The following ACOX3 variants were observed in gnomAD, a reference collection of about 807,000 sequenced individuals.
ACOX3 encodes the protein peroxisomal acyl-coenzyme A oxidase 3.
Under a neutral mutation model 81.5 loss-of-function variants are expected in ACOX3, and 73 were observed. The observed-to-expected ratio is 0.90, with a 90% CI of 0.74 to 1.09. The LOEUF is 1.09. Ranked by LOEUF, ACOX3 falls within the 50% of genes least tolerant of loss-of-function variation. ACOX3 has a pLI of 0.00. For synonymous variants in ACOX3, 387 were observed against 375.1 expected, an observed-to-expected ratio of 1.03 and a Z score of -0.37; for missense variants, 947 against 928.0, an observed-to-expected ratio of 1.02 and a Z score of -0.27.
intron 1 of ACOX3, among the ~76,000 whole-genome samples, chr4:8,426,571 G>T (rs1371679412): frequency 7.6e-6 from 1 of 130,864 alleles, no homozygotes; most frequent in African/African-American, 3.0e-5. Context: ...CCCCCTCCAT[G>T]CCGCTATACT....
chr4:8,359,972 G>C, the ACOX3 span, among the ~76,000 whole-genome samples: 1 of 152,208 alleles, frequency 6.6e-6, no homozygotes, highest in Admixed American at 6.5e-5. The surrounding 1 kb of genome is among the most constrained non-coding windows in gnomAD (Gnocchi z 6.0). Context: ...CCTTAGGATA[G>C]AGCACGGACT....
intron 1 of ACOX3, among the ~76,000 whole-genome samples, chr4:8,428,037 G>A (rs555703640): frequency 6.6e-5 from 10 of 152,350 alleles, no homozygotes; most frequent in Middle Eastern, 6.8e-3. Flanking sequence ...AGGAAGTGGG[G>A]CTTCAAGATC....
intron 9 of ACOX3, among the ~76,000 whole-genome samples, chr4:8,396,364 TC>T (rs1719689094): frequency 6.6e-6 from 1 of 152,116 alleles, no homozygotes; most frequent in African/African-American, 2.4e-5. Flanking sequence ...CACACCCACC[TC>T]CCAGAGCCGC....
chr4:8,381,735 T>C lies in ACOX3; in HGVS notation c.1538-128A>G. ...CAGGTTGTCTTCATTGACAACCAAGTGTATGGGGTGGGTCTGATTTTATAG... is the reference window on the plus strand; with the variant it reads ...CAGGTTGTCTTCATTGACAACCAAGCGTATGGGGTGGGTCTGATTTTATAG... On this transcript the variant is annotated intron_variant, in intron 13 of 17. Coordinates refer to ENST00000356406, the MANE Select transcript of ACOX3 (RefSeq NM_003501.3). The surrounding 1 kb of genome is among the most constrained non-coding windows in gnomAD (Gnocchi z 4.3). The C allele has an allele frequency of 1.5e-6, 1 of 677,044 alleles. No homozygotes were observed. The highest frequency in any genetic ancestry group is 2.5e-6 in the Non-Finnish European group (1 of 395,488). 41.9% of individuals were successfully genotyped at this position (677,044 alleles called of 1,614,324 possible). A position where few individuals can be genotyped will look rare whatever the true frequency, so the allele number is the denominator to read the frequency against.
At chr4:8,390,861 G>T (rs2108861792) in intron 11 of ACOX3, among the ~76,000 whole-genome samples, 1 of 152,290 alleles carries the variant, frequency 6.6e-6, no homozygotes, top group Admixed American at 6.5e-5. Context: ...CTGACTTACT[G>T]TCAAATCATG....
intron 16 of ACOX3, among the ~76,000 whole-genome samples, chr4:8,373,278 T>C (rs1395106769): frequency 6.6e-6 from 1 of 151,546 alleles, no homozygotes; most frequent in Non-Finnish European, 1.5e-5. Flanking sequence ...CAGTTTTTAC[T>C]AAACACTGAA....
rs1025165559 is a variant in ACOX3, at chr4:8,419,320, C to T, written c.-14-2785G>A. Among the ~76,000 whole-genome samples the T allele has an allele frequency of 6.6e-6, 1 of 151,678 alleles. No individual in the cohort carries two copies. Among genetic ancestry groups the T allele is most frequent in the African/African-American group, 2.4e-5 (1 of 41,256 alleles). ...GCATGGTGGCAGGTGCCTATAGTCC[C>T]AGCTACTTGGGAGGCTGAGGCAGAG... On this transcript the variant is annotated intron_variant, in intron 1 of 17. Transcript: ENST00000356406. The surrounding 1 kb of genome is among the most constrained non-coding windows in gnomAD (Gnocchi z 4.2).
Position 8,400,715 on chromosome 4 carries a change from T to C in ACOX3, c.777-1063A>G, listed in dbSNP as rs977583659. Among the ~76,000 whole-genome samples, 10 of 152,182 alleles carry C rather than the reference T, an allele frequency of 6.6e-5. No homozygotes were observed. Among genetic ancestry groups the C allele is most frequent in the African/African-American group, 1.7e-4 (7 of 41,436 alleles). On this transcript the variant is annotated intron_variant, in intron 7 of 17. Transcript: ENST00000356406. The surrounding 1 kb of genome is among the most constrained non-coding windows in gnomAD (Gnocchi z 4.4). ...AACTTCAAAATATCAATAGTTCCTA[T>C]AGCAACTTGTCTGATTCCTAAGTTC...
At chr4:8,404,211 T>C (rs1471808115) in intron 7 of ACOX3, among the ~76,000 whole-genome samples, 1 of 152,182 alleles carries the variant, frequency 6.6e-6, no homozygotes, top group Non-Finnish European at 1.5e-5. Flanking sequence ...CGACCCTCCA[T>C]ACCTGCTACA....
intron 8 of ACOX3, among the ~76,000 whole-genome samples, chr4:8,397,489 G>A (rs1299624966): frequency 6.6e-6 from 1 of 152,244 alleles, no homozygotes; most frequent in East Asian, 1.9e-4. Context: ...GATGTGGCCT[G>A]TACTGCCAGA....
chr4:8,370,859 T>C lies in ACOX3; in HGVS notation c.1983+49A>G. ...CAGGAGCATCTCAGCTCCGCAGAAATGCCCATCAACCCTTGGGGCACTCCC... is the reference window on the plus strand; with the variant it reads ...CAGGAGCATCTCAGCTCCGCAGAAACGCCCATCAACCCTTGGGGCACTCCC... On this transcript the variant is annotated intron_variant, in intron 17 of 17. Transcript: ENST00000356406. The surrounding 1 kb of genome is among the most constrained non-coding windows in gnomAD (Gnocchi z 6.3). The C allele has an allele frequency of 6.5e-7, 1 of 1,548,352 alleles. No homozygotes were observed. The highest frequency in any genetic ancestry group is 8.9e-7 in the Non-Finnish European group (1 of 1,123,154).
At chr4:8,402,535 C>T (rs1720483803) in intron 7 of ACOX3, among the ~76,000 whole-genome samples, 1 of 152,190 alleles carries the variant, frequency 6.6e-6, no homozygotes, top group African/African-American at 2.4e-5. Flanking sequence ...AATTATTCCC[C>T]CATTCTCACC....
rs1056878198 is a variant in ACOX3, at chr4:8,385,460, C to A, written c.1537+3713G>T. Among the ~76,000 whole-genome samples, 23 of 152,370 alleles carry A rather than the reference C, an allele frequency of 1.5e-4. No individual in the cohort carries two copies. The highest frequency in any genetic ancestry group is 3.4e-3 in the Middle Eastern group (1 of 294). On this transcript the variant is annotated intron_variant, in intron 13 of 17. Coordinates refer to ENST00000356406, the MANE Select transcript of ACOX3 (RefSeq NM_003501.3). This position sits in a 1 kb window ranked among gnomAD's most constrained non-coding sequence, Gnocchi z 5.5. ...CATGACCTTGCAGTCCACAAATACA[C>A]ACGTGTCCGAGTAGTGAACACTGCA...
Position 8,394,530 on chromosome 4 carries a change from T to C in ACOX3, c.1179+90A>G, listed in dbSNP as rs1472835446. 6.5e-7 allele frequency: 1 copy of C among 1,533,390 alleles called. No individual in the cohort carries two copies. The highest frequency in any genetic ancestry group is 1.2e-5 in the South Asian group (1 of 83,046). The allele number at this position is 1,533,390 out of a possible 1,614,324, so 95.0% of individuals were successfully genotyped here. A position where few individuals can be genotyped will look rare whatever the true frequency, so the allele number is the denominator to read the frequency against. On this transcript the variant is annotated intron_variant, in intron 10 of 17. Transcript: ENST00000356406. This position sits in a 1 kb window ranked among gnomAD's most constrained non-coding sequence, Gnocchi z 5.9. ...GCTCTGTCCTCGCAAATCAAAGGAC[T>C]GATTTTGCTTTGAAATGAAGGTTGA...
At chr4:8,438,547 G>A (rs574547369) in intron 1 of ACOX3, among the ~76,000 whole-genome samples, 4 of 152,162 alleles carry the variant, frequency 2.6e-5, no homozygotes, top group African/African-American at 9.6e-5. Flanking sequence ...CAAATTAAAG[G>A]TGACCTCCAA....
At chr4:8,401,055 G>A (rs894321731) in intron 7 of ACOX3, among the ~76,000 whole-genome samples, 7 of 151,634 alleles carry the variant, frequency 4.6e-5, no homozygotes, top group Admixed American at 6.6e-5. Flanking sequence ...CATAAGGAGC[G>A]CTCGCCTTAG....
At chr4:8,367,405 C>T (rs1327133625) in intron 17 of ACOX3, among the ~76,000 whole-genome samples, 1 of 151,996 alleles carries the variant, frequency 6.6e-6, no homozygotes, top group Non-Finnish European at 1.5e-5. Context: ...ATCACTTGAA[C>T]CTGGGAGGTA....
rs1231043663 is a variant in ACOX3 at position 8,399,904 on chromosome 4, AGCCTGG to A, written c.777-258_777-253del. The stretch of plus-strand genomic sequence containing the variant: ...TGCTTGAGCCCAGGAGTTTGAGACC[AGCCTGG>A]GCAACACAGTGAGACCCTGTTTCTA... On this transcript the variant is annotated intron_variant, in intron 7 of 17. Coordinates refer to ENST00000356406, the MANE Select transcript of ACOX3 (RefSeq NM_003501.3). The surrounding 1 kb of genome is among the most constrained non-coding windows in gnomAD (Gnocchi z 4.9). 1.3e-4 allele frequency among the ~76,000 whole-genome samples: 20 copies of A among 152,202 alleles called. No homozygotes were observed.
chr4:8,424,870 C>T (rs914971659), intron 1 of ACOX3, among the ~76,000 whole-genome samples: 1 of 152,192 alleles, frequency 6.6e-6, no homozygotes, highest in African/African-American at 2.4e-5. Context: ...AAAACGACTT[C>T]GAAAAGCAGG....
Sources: gnomAD v4.1 joint callset for allele counts (sites outside exome capture counted in the v4.1 genomes callset) on GRCh38, gnomAD v4.1.1 for gene constraint, Gnocchi (gnomAD v3.1) non-coding constraint, MANE v1.5 for transcripts, NCBI Gene and HGNC (gene_info 2026-07-23, HGNC 2026-07-21) for gene names.